KCNJ6: variants seen among roughly 807,000 people sequenced by gnomAD.
KCNJ6 encodes potassium inwardly rectifying channel subfamily J member 6.
Under a neutral mutation model 34.2 loss-of-function variants are expected in KCNJ6, and 9 were observed. That is an observed-to-expected ratio of 0.26 (90% CI 0.16 to 0.46). KCNJ6 has a LOEUF of 0.46. Among genes scored for constraint, KCNJ6 ranks in the 20% least tolerant of loss-of-function variants. KCNJ6 has a pLI of 1.00. For synonymous variants in KCNJ6, 196 were observed against 207.1 expected (o/e 0.95, Z 0.46); for missense variants, 236 against 531.3 (o/e 0.44, Z 5.46).
chr21:37,825,659 C>T (rs945603206), intron 2 of KCNJ6, among the ~76,000 whole-genome samples: 3 of 152,084 alleles, frequency 2.0e-5, no homozygotes, highest in East Asian at 1.9e-4. Context: ...TGTATTCGTC[C>T]GTTTCCACAC....
intron 3 of KCNJ6, among the ~76,000 whole-genome samples, chr21:37,712,314 T>C (rs1184670822): frequency 2.0e-5 from 3 of 152,114 alleles, no homozygotes; most frequent in African/African-American, 7.2e-5. Flanking sequence ...GGTCAGTTCA[T>C]AGTGTCAGAG....
chr21:37,796,662 C>T (rs1004418933), intron 2 of KCNJ6, among the ~76,000 whole-genome samples: 1 of 152,136 alleles, frequency 6.6e-6, no homozygotes, highest in African/African-American at 2.4e-5. Flanking sequence ...GACCAACTTC[C>T]CAGATGTAGC....
At chr21:37,631,532 T>C (rs1465703771) in intron 3 of KCNJ6, among the ~76,000 whole-genome samples, 1 of 150,522 alleles carries the variant, frequency 6.6e-6, no homozygotes, top group Non-Finnish European at 1.5e-5. Flanking sequence ...ATGTACAAAA[T>C]GAAACCACCT....
At chr21:37,694,631 G>A (rs1396015336) in intron 3 of KCNJ6, among the ~76,000 whole-genome samples, 1 of 152,158 alleles carries the variant, frequency 6.6e-6, no homozygotes, top group Admixed American at 6.5e-5. Flanking sequence ...TGAAAACATT[G>A]TGTCCCTTTA....
At chr21:37,710,965 G>T (rs935223971) in intron 3 of KCNJ6, among the ~76,000 whole-genome samples, 5 of 152,212 alleles carry the variant, frequency 3.3e-5, no homozygotes, top group African/African-American at 7.2e-5. Flanking sequence ...TGACTGGAAG[G>T]TTCTTGAAAG....
intron 3 of KCNJ6, among the ~76,000 whole-genome samples, chr21:37,702,178 A>G (rs910686703): frequency 2.0e-4 from 28 of 141,902 alleles, no homozygotes; most frequent in African/African-American, 6.8e-4. Flanking sequence ...GGTTGCAGTC[A>G]GCTGAGATCG....
At chr21:37,889,682 C>A (rs564131420) in intron 1 of KCNJ6, among the ~76,000 whole-genome samples, 3 of 152,310 alleles carry the variant, frequency 2.0e-5, no homozygotes, top group African/African-American at 4.8e-5. Flanking sequence ...CCACTCCATG[C>A]CTTTGTCTGA....
rs1239916876 is a variant in KCNJ6 at position 37,625,274 on chromosome 21, G to A, written c.1157C>T (p.Ser386Phe). ...TTCTGCATGTTGGTTGAGTTTGCTG[G>A]ATACAGACCAACTCAGGGGCAGCTC... ...RAELPLSWSV[S>F]SKLNQHAELE... The change falls in exon 4 of 4, where the codon TCC becomes TTC. Residue 386 changes from serine to phenylalanine, a missense_variant. Transcript: ENST00000609713. 1.2e-6 allele frequency: 2 copies of A among 1,614,062 alleles called. No homozygotes were observed. Among genetic ancestry groups the A allele is most frequent in the African/African-American group, 1.3e-5 (1 of 74,928 alleles).
At chr21:37,890,110 A>C (rs1371852218) in intron 1 of KCNJ6, among the ~76,000 whole-genome samples, 2 of 152,210 alleles carry the variant, frequency 1.3e-5, no homozygotes, top group African/African-American at 4.8e-5. Context: ...TGGGTAATTT[A>C]TAAAGGAAAG....
In KCNJ6 at chr21:37,701,356, G is replaced by T. The variant is rs1335919494; in HGVS notation, c.946+12855C>A. 3.9e-5 allele frequency among the ~76,000 whole-genome samples: 6 copies of T among 152,210 alleles called. No individual in the cohort carries two copies. In the South Asian group the frequency reaches 1.2e-3, roughly 32 times the overall value. On this transcript the variant is annotated intron_variant, in intron 3 of 3. Transcript: ENST00000609713. ...CCTGGAGTTATTCCCATTGCCAGAA[G>T]GTAGAGGCTTCAGGTTTGACCAAGA...
chr21:37,773,611 C>T (rs2055128291), intron 2 of KCNJ6, among the ~76,000 whole-genome samples: 1 of 152,002 alleles, frequency 6.6e-6, no homozygotes, highest in Non-Finnish European at 1.5e-5. Flanking sequence ...TTTGTAATTG[C>T]TTTCTTAACA....
intron 1 of KCNJ6, among the ~76,000 whole-genome samples, chr21:37,857,229 G>C (rs769242651): frequency 4.6e-5 from 7 of 152,132 alleles, no homozygotes; most frequent in African/African-American, 1.7e-4. Context: ...GTAGAGGGAG[G>C]GCTATTGTTA....
chr21:37,749,197 A>T (rs980470852), intron 2 of KCNJ6, among the ~76,000 whole-genome samples: 2 of 152,100 alleles, frequency 1.3e-5, no homozygotes, highest in Non-Finnish European at 2.9e-5. Flanking sequence ...AGGTATGCAA[A>T]CTTCCTTCTA....
chr21:37,876,327 A>C (rs570228061), intron 1 of KCNJ6, among the ~76,000 whole-genome samples: 1 of 152,194 alleles, frequency 6.6e-6, no homozygotes, highest in Non-Finnish European at 1.5e-5. Context: ...GTAACTTGCC[A>C]AAAGTCACCC....
intron 2 of KCNJ6, among the ~76,000 whole-genome samples, chr21:37,744,578 T>C (rs976825455): frequency 8.5e-5 from 13 of 152,202 alleles, no homozygotes; most frequent in Admixed American, 8.5e-4. Flanking sequence ...ACACCATCTT[T>C]CACTGATGGT....
intron 1 of KCNJ6, among the ~76,000 whole-genome samples, chr21:37,910,065 T>C (rs1298906059): frequency 1.3e-5 from 2 of 152,218 alleles, no homozygotes; most frequent in Non-Finnish European, 2.9e-5. Flanking sequence ...GATACTGGGA[T>C]AGAGTGTTCC....
chr21:37,790,706 C>T (rs1330510012), intron 2 of KCNJ6, among the ~76,000 whole-genome samples: 2 of 152,216 alleles, frequency 1.3e-5, no homozygotes, highest in African/African-American at 4.8e-5. Context: ...GGGACTGTGA[C>T]TATAGTCTCT....
chr21:37,743,334 A>ATG lies in KCNJ6; in HGVS notation c.26-28205_26-28204dup, dbSNP rs1270763189. On this transcript the variant is annotated intron_variant, in intron 2 of 3. Coordinates refer to ENST00000609713, the MANE Select transcript of KCNJ6 (RefSeq NM_002240.5). ...TGTGTGCATGTGTATGCGTGTGTATATGTGTGTGTGTGATACATATATATC... is the reference window on the plus strand; with the variant it reads ...TGTGTGCATGTGTATGCGTGTGTATATGTGTGTGTGTGTGATACATATATATC... 3.9e-5 allele frequency among the ~76,000 whole-genome samples: 6 copies of ATG among 152,052 alleles called. No homozygotes were observed. In the East Asian group the frequency reaches 9.7e-4, roughly 24 times the overall value.
intron 2 of KCNJ6, among the ~76,000 whole-genome samples, chr21:37,813,062 T>C (rs1351900441): frequency 6.6e-6 from 1 of 152,076 alleles, no homozygotes; most frequent in East Asian, 1.9e-4. Context: ...ACAAATGCAG[T>C]AAAGGTTCAG....
Sources: allele counts gnomAD v4.1 joint callset (sites outside exome capture counted in the v4.1 genomes callset), GRCh38; gene constraint gnomAD v4.1.1; transcripts MANE v1.5; gene names NCBI Gene and HGNC (gene_info 2026-07-23, HGNC 2026-07-21).